DPP10: variants seen among roughly 807,000 people sequenced by gnomAD.
DPP10 encodes inactive dipeptidyl peptidase 10.
DPP10 carries 33 observed loss-of-function variants against 120.9 expected under a neutral mutation model. The ratio of observed to expected loss-of-function variants is 0.27; its 90% CI spans 0.21 to 0.37. DPP10 has a LOEUF of 0.37. DPP10 is among the 10% of genes least tolerant of loss of function. DPP10 has a pLI of 1.00. For missense variants in DPP10, 816 were observed against 942.8 expected (o/e 0.87, Z 1.76); for synonymous variants, 337 against 326.1 (o/e 1.03, Z -0.36).
intron 5 of DPP10, among the ~76,000 whole-genome samples, chr2:115,615,382 T>G (rs1054481981): frequency 1.2e-4 from 19 of 152,166 alleles, no homozygotes; most frequent in African/African-American, 4.6e-4. Flanking sequence ...CCCCCCAAAA[T>G]GGATATTATT....
chr2:115,538,257 G>T (rs536258756), intron 5 of DPP10, among the ~76,000 whole-genome samples: 1 of 152,068 alleles, frequency 6.6e-6, no homozygotes, highest in East Asian at 1.9e-4. Flanking sequence ...CTGAATACTA[G>T]TTAGGTGTAG....
intron 1 of DPP10, among the ~76,000 whole-genome samples, chr2:115,090,129 TTG>T (rs1440979576): frequency 6.6e-6 from 1 of 152,182 alleles, no homozygotes; most frequent in East Asian, 1.9e-4. Context: ...AGTGTCACAT[TTG>T]TGTTATGTTT....
chr2:115,389,278 A>AAACAC (rs2067166702), intron 3 of DPP10, among the ~76,000 whole-genome samples: 3 of 149,644 alleles, frequency 2.0e-5, no homozygotes, highest in African/African-American at 7.3e-5. Context: ...CACACACACA[A>AAACAC]ACACACACAC....
intron 5 of DPP10, among the ~76,000 whole-genome samples, chr2:115,528,418 A>C (rs1432619793): frequency 6.6e-6 from 1 of 150,452 alleles, no homozygotes; most frequent in African/African-American, 2.5e-5. Context: ...ATTATACCAC[A>C]TAAATAAACC....
intron 8 of DPP10, among the ~76,000 whole-genome samples, chr2:115,732,995 G>T (rs569058800): frequency 5.5e-4 from 83 of 152,060 alleles, no homozygotes; most frequent in African/African-American, 1.7e-3. Context: ...ATATAAATAG[G>T]ATTTATTTCA....
chr2:115,602,974 T>C (rs1256679417), intron 5 of DPP10, among the ~76,000 whole-genome samples: 2 of 152,226 alleles, frequency 1.3e-5, no homozygotes, highest in African/African-American at 4.8e-5. Flanking sequence ...ATTAAGGTTC[T>C]TGATTCTTGA....
intron 1 of DPP10, among the ~76,000 whole-genome samples, chr2:114,678,572 A>G (rs1698817563): frequency 6.6e-6 from 1 of 151,646 alleles, no homozygotes; most frequent in South Asian, 2.1e-4. Flanking sequence ...CTGTTCCTAT[A>G]CTGTGATTAT....
At chr2:115,021,812 G>C (rs541505214) in intron 1 of DPP10, among the ~76,000 whole-genome samples, 1 of 151,974 alleles carries the variant, frequency 6.6e-6, no homozygotes, top group Non-Finnish European at 1.5e-5. Flanking sequence ...ATAATCCACT[G>C]TGATCAAGTG....
chr2:114,561,848 C>T (rs889934578), intron 1 of DPP10, among the ~76,000 whole-genome samples: 1 of 152,170 alleles, frequency 6.6e-6, no homozygotes, highest in African/African-American at 2.4e-5. Flanking sequence ...ATTCTAGAAA[C>T]TTCGAAAACA....
intron 5 of DPP10, among the ~76,000 whole-genome samples, chr2:115,532,042 A>T (rs2078501217): frequency 6.6e-6 from 1 of 152,108 alleles, no homozygotes; most frequent in Non-Finnish European, 1.5e-5. Flanking sequence ...TTAGATTGTA[A>T]TACAGATGTA....
At chr2:114,960,761 A>G (rs6718002) in intron 1 of DPP10, among the ~76,000 whole-genome samples, 150,079 of 152,182 alleles carry the variant, frequency 0.99, 74,032 homozygotes, top group Non-Finnish European at 1. Context: ...TCATTGTAAT[A>G]AGATGTCATT....
intron 17 of DPP10, among the ~76,000 whole-genome samples, chr2:115,787,078 C>T (rs746249511): frequency 4.4e-4 from 67 of 152,158 alleles, no homozygotes; most frequent in Admixed American, 1.6e-3. Context: ...CATTCAAATA[C>T]ACACTAAAAA....
Position 114,874,063 on chromosome 2 carries a change from A to G in DPP10, c.60+431225A>G, listed in dbSNP as rs771634105. Among the ~76,000 whole-genome samples, 8 of 152,196 alleles carry G rather than the reference A, an allele frequency of 5.3e-5. No individual in the cohort carries two copies. In the South Asian group the frequency reaches 1.7e-3, roughly 31 times the overall value. ...TGGAATTATGGGGCAACAAGTGAAC[A>G]TCAGGATTTCTGGCATGTTTGAAAC... On this transcript the variant is annotated intron_variant, in intron 1 of 25. Transcript: ENST00000410059.
At chr2:114,579,902 T>C (rs1018335397) in intron 1 of DPP10, among the ~76,000 whole-genome samples, 1 of 152,004 alleles carries the variant, frequency 6.6e-6, no homozygotes, top group African/African-American at 2.4e-5. Flanking sequence ...AGTTGAGAAA[T>C]AGGGATGACA....
At chr2:115,490,564 T>C (rs992130644) in intron 3 of DPP10, among the ~76,000 whole-genome samples, 3 of 152,192 alleles carry the variant, frequency 2.0e-5, no homozygotes, top group Non-Finnish European at 4.4e-5. Context: ...CCCTTCAGCA[T>C]ATTTCTCAGT....
chr2:115,722,146 G>A (rs542613631), intron 7 of DPP10, among the ~76,000 whole-genome samples: 12 of 152,016 alleles, frequency 7.9e-5, no homozygotes, highest in Non-Finnish European at 1.5e-4. Context: ...AATTTCAGTT[G>A]AGTGAGATTA....
In DPP10 at chr2:115,168,567, C is replaced by T. The variant is rs116380840; in HGVS notation, c.61-140672C>T. On this transcript the variant is annotated intron_variant, in intron 1 of 25. Transcript: ENST00000410059. ...TTTATTGACCTGATCCACAAGTTTT[C>T]TGGCAATAACCAATCTCTGTTTATT... 7.3e-3 allele frequency among the ~76,000 whole-genome samples: 1,112 copies of T among 152,302 alleles called. 20 individuals are homozygous for T. The highest frequency in any genetic ancestry group is 0.026 in the African/African-American group (1,066 of 41,554).
At chr2:115,262,766 T>C (rs12019153) in intron 1 of DPP10, among the ~76,000 whole-genome samples, 38,426 of 152,046 alleles carry the variant, frequency 0.25, 5,066 homozygotes, top group East Asian at 0.36. Context: ...TATTCTCCCT[T>C]TTACTGTACT....
At chr2:115,193,547 T>A (rs1197515409) in intron 1 of DPP10, among the ~76,000 whole-genome samples, 2 of 152,208 alleles carry the variant, frequency 1.3e-5, no homozygotes, top group Admixed American at 1.3e-4. Flanking sequence ...TGAAGATTAT[T>A]TATACGTGGG....
Sources: gnomAD v4.1 joint callset for allele counts (sites outside exome capture counted in the v4.1 genomes callset) on GRCh38, gnomAD v4.1.1 for gene constraint, MANE v1.5 for transcripts, NCBI Gene and HGNC (gene_info 2026-07-23, HGNC 2026-07-21) for gene names.